FAM200B: variants seen among roughly 807,000 people sequenced by gnomAD.
The protein encoded by FAM200B is protein FAM200B.
Under a neutral mutation model 33.1 loss-of-function variants are expected in FAM200B, and 32 were observed. The observed-to-expected ratio is 0.97, with a 90% CI of 0.73 to 1.30. The LOEUF (loss-of-function observed/expected upper bound fraction) is 1.30, where lower values mean the gene tolerates loss of function less well. Among genes scored for constraint, FAM200B ranks in the 50% most tolerant of loss-of-function variants. The probability of loss-of-function intolerance (pLI) is 0.00; values close to 1 mark genes in which losing one functional copy is unlikely to be tolerated. For missense variants in FAM200B, 741 were observed against 754.0 expected (o/e 0.98, Z 0.20); for synonymous variants, 240 against 264.8 (o/e 0.91, Z 0.91).
At chr4:15,670,826 ACAACGGAT>A in the FAM200B span, among the ~76,000 whole-genome samples, 187 of 151,826 alleles carry the variant, frequency 1.2e-3, no homozygotes, top group African/African-American at 4.3e-3. Context: ...CATTTCTGGT[ACAACGGAT>A]CTACTGATGA....
At chr4:15,652,734 C>T in the FAM200B span, among the ~76,000 whole-genome samples, 390 of 152,260 alleles carry the variant, frequency 2.6e-3, 3 homozygotes, top group African/African-American at 9.1e-3. Flanking sequence ...AAAATACATT[C>T]TACTTGAGAA....
the FAM200B span, among the ~76,000 whole-genome samples, chr4:15,645,571 G>A: frequency 1.3e-5 from 2 of 152,078 alleles, no homozygotes; most frequent in South Asian, 4.1e-4. Flanking sequence ...GGGATTACAG[G>A]TGCTCGCCAC....
the FAM200B span, among the ~76,000 whole-genome samples, chr4:15,652,842 T>G: frequency 6.6e-6 from 1 of 152,170 alleles, no homozygotes; most frequent in Non-Finnish European, 1.5e-5. Context: ...CTTTTTAGTC[T>G]GAGCATAAAA....
chr4:15,660,631 C>T, the FAM200B span, among the ~76,000 whole-genome samples: 1 of 152,216 alleles, frequency 6.6e-6, no homozygotes, highest in African/African-American at 2.4e-5. Flanking sequence ...GCCTTCATTT[C>T]CTCGACTGTA....
chr4:15,680,244 T>G (rs1718171233), upstream of FAM200B, among the ~76,000 whole-genome samples: 2 of 152,146 alleles, frequency 1.3e-5, no homozygotes, highest in Non-Finnish European at 1.5e-5. Context: ...TAATTTAAAA[T>G]GATTACCCGT....
At chr4:15,654,818 G>A in the FAM200B span, among the ~76,000 whole-genome samples, 1 of 152,206 alleles carries the variant, frequency 6.6e-6, no homozygotes, top group Admixed American at 6.5e-5. Flanking sequence ...GTCCACCGCA[G>A]GTGGCCGGCC....
chr4:15,656,713 C>T, the FAM200B span, among the ~76,000 whole-genome samples: 4 of 150,024 alleles, frequency 2.7e-5, no homozygotes, highest in African/African-American at 9.7e-5. Context: ...TTCTTTATGC[C>T]TCAGTTTGCT....
At chr4:15,673,163 C>T in the FAM200B span, among the ~76,000 whole-genome samples, 3 of 152,060 alleles carry the variant, frequency 2.0e-5, no homozygotes, top group Non-Finnish European at 4.4e-5. Context: ...AACAATAGGG[C>T]AGGTGCAATG....
At chr4:15,661,656 A>G in the FAM200B span, among the ~76,000 whole-genome samples, 1 of 152,172 alleles carries the variant, frequency 6.6e-6, no homozygotes, top group African/African-American at 2.4e-5. Context: ...TTTCTCATGT[A>G]TTAGTTATCT....
the FAM200B span, among the ~76,000 whole-genome samples, chr4:15,648,320 T>C: frequency 2.0e-5 from 3 of 152,302 alleles, no homozygotes; most frequent in East Asian, 1.9e-4. Context: ...GAAAACAGTA[T>C]GGAAATTCCT....
rs952647923 is a variant in FAM200B, at chr4:15,687,728, G to A, written c.751G>A (p.Asp251Asn). 3.2e-6 allele frequency: 5 copies of A among 1,550,542 alleles called. No homozygotes were observed. In the African/African-American group the frequency reaches 6.8e-5, roughly 21 times the overall value. Reference sequence around the variant, plus strand: ...AGTTTATGTCAGATATGCGTGGCAAGATGATTTTTTGGAGGATTTTTTGTG... The same window carrying A: ...AGTTTATGTCAGATATGCGTGGCAAAATGATTTTTTGGAGGATTTTTTGTG... ...LLVYVRYAWQ[D>N]DFLEDFLCFL... Residue 251 changes from aspartate to asparagine, a missense_variant, in exon 2 of 2, where the codon GAT becomes AAT. Coordinates refer to ENST00000422728, the MANE Select transcript of FAM200B (RefSeq NM_001145191.2).
In FAM200B at chr4:15,687,227, C is replaced by T; in HGVS notation, c.250C>T (p.Pro84Ser). 2.6e-6 allele frequency: 4 copies of T among 1,542,578 alleles called. No individual in the cohort carries two copies. The highest frequency in any genetic ancestry group is 3.5e-6 in the Non-Finnish European group (4 of 1,143,664). The change falls in exon 2 of 2, where the codon CCT (proline) becomes TCT (serine). Residue 84 changes from proline to serine, a missense_variant. Coordinates refer to ENST00000422728, the MANE Select transcript of FAM200B (RefSeq NM_001145191.2). ...TGAAAAACCCTTTGAAAATGACAGA[C>T]CTCAGTGTGTTATTTGTAATAATAT... The part of the protein sequence containing the change: ...KCEKPFENDR[P>S]QCVICNNILA...
chr4:15,662,815 G>A, the FAM200B span, among the ~76,000 whole-genome samples: 1 of 152,080 alleles, frequency 6.6e-6, no homozygotes, highest in Non-Finnish European at 1.5e-5. Flanking sequence ...TTGCTGACAA[G>A]GAACAGCAGA....
At chr4:15,642,267 G>GC in the FAM200B span, among the ~76,000 whole-genome samples, 1 of 146,940 alleles carries the variant, frequency 6.8e-6, no homozygotes, top group Admixed American at 6.8e-5. Flanking sequence ...TTTAAGACAA[G>GC]CCTTGCTCTG....
the FAM200B span, among the ~76,000 whole-genome samples, chr4:15,658,887 T>C: frequency 6.6e-6 from 1 of 152,178 alleles, no homozygotes; most frequent in Non-Finnish European, 1.5e-5. Context: ...AGAGACTTAA[T>C]TTTTTCATAT....
chr4:15,688,017 A>G lies in FAM200B; in HGVS notation c.1040A>G (p.Lys347Arg). The change falls in exon 2 of 2, where the codon AAA becomes AGA. Residue 347 changes from lysine to arginine, a missense_variant. Transcript: ENST00000422728. ...CCACAGAATCTCATGGAGGTATTGA[A>G]AAATGCAGTGAAAGTTGTTAATTTT... is the stretch of plus-strand genomic sequence containing the variant. ...EIPQNLMEVL[K>R]NAVKVVNFIK... The G allele has an allele frequency of 6.4e-7, 1 of 1,551,144 alleles. No individual in the cohort carries two copies. Among genetic ancestry groups the G allele is most frequent in the South Asian group, 1.2e-5 (1 of 84,030 alleles).
intron 1 of FAM200B, among the ~76,000 whole-genome samples, chr4:15,685,748 A>G (rs1490442107): frequency 6.6e-6 from 1 of 152,210 alleles, no homozygotes; most frequent in Admixed American, 6.5e-5. Context: ...ATAAATAAAC[A>G]CTACAGTAAA....
chr4:15,648,881 G>A, the FAM200B span, among the ~76,000 whole-genome samples: 2 of 152,120 alleles, frequency 1.3e-5, no homozygotes, highest in African/African-American at 4.8e-5. Flanking sequence ...CCCACACAAA[G>A]GGTAATCGTT....
chr4:15,648,584 C>T, the FAM200B span, among the ~76,000 whole-genome samples: 3 of 151,928 alleles, frequency 2.0e-5, no homozygotes, highest in Admixed American at 6.6e-5. Flanking sequence ...CATAGATGAA[C>T]CTGGAAGACA....
Sources: gnomAD v4.1 joint callset for allele counts (sites outside exome capture counted in the v4.1 genomes callset) on GRCh38, gnomAD v4.1.1 for gene constraint, MANE v1.5 for transcripts, NCBI Gene and HGNC (gene_info 2026-07-23, HGNC 2026-07-21) for gene names.